WSB2: variants seen among roughly 807,000 people sequenced by gnomAD.
WSB2 encodes the protein WD repeat and SOCS box-containing protein 2.
A neutral mutation model predicts 48.8 loss-of-function variants in WSB2; 12 were observed. The observed-to-expected ratio is 0.25, with a 90% confidence interval of 0.16 to 0.40. The LOEUF (loss-of-function observed/expected upper bound fraction) is 0.40. Ranked by LOEUF, WSB2 falls within the 10% of genes least tolerant of loss-of-function variation. The probability of loss-of-function intolerance (pLI) is 1.00; values close to 1 mark genes in which losing one functional copy is unlikely to be tolerated. For synonymous variants in WSB2, 191 were observed against 203.1 expected (o/e 0.94, Z 0.51); for missense variants, 317 against 506.2 (o/e 0.63, Z 3.59).
chr12:118,043,280 C>T lies in WSB2; in HGVS notation c.280G>A (p.Val94Ile). ...KEKTLDCGQI[V>I]WGLAFSPWPS... Reference sequence around the variant, plus strand: ...CACGGGCTGAAGGCCAGCCCCCAGACAATCTGACCACAGTCCAGCGTCTTC... The same window carrying T: ...CACGGGCTGAAGGCCAGCCCCCAGATAATCTGACCACAGTCCAGCGTCTTC... The change falls in exon 3 of 9, where the codon GTC (valine) becomes ATC (isoleucine). Residue 94 changes from valine to isoleucine, a missense_variant. By Grantham distance (29) the Val-to-Ile change is conservative (BLOSUM62 3). Around this residue, in one of 2 missense-constraint regions of WSB2, gnomAD observed 128 missense variants for 156.7 expected, o/e 0.82. Transcript: ENST00000315436. The T allele has an allele frequency of 3.1e-6, 5 of 1,614,192 alleles. No homozygotes were observed. The highest frequency in any genetic ancestry group is 1.7e-5 in the Admixed American group (1 of 60,022).
At chr12:118,050,689 A>G (rs1228605871) in intron 2 of WSB2, among the ~76,000 whole-genome samples, 1 of 152,112 alleles carries the variant, frequency 6.6e-6, no homozygotes, top group African/African-American at 2.4e-5. Context: ...TAATAAAAAG[A>G]CAAAAACGAG....
chr12:118,054,868 G>T (rs924473569), intron 1 of WSB2, among the ~76,000 whole-genome samples: 1 of 151,206 alleles, frequency 6.6e-6, no homozygotes, highest in African/African-American at 2.4e-5. Flanking sequence ...GGTTCTATGT[G>T]TAAATTTGGG....
chr12:118,039,317 T>TA (rs2031578833), intron 4 of WSB2, among the ~76,000 whole-genome samples: 1 of 152,082 alleles, frequency 6.6e-6, no homozygotes, highest in Admixed American at 6.6e-5. Context: ...CCCGTCCATA[T>TA]AGAGGATGGG....
intron 1 of WSB2, among the ~76,000 whole-genome samples, chr12:118,054,545 C>T (rs903104235): frequency 3.3e-5 from 5 of 152,048 alleles, no homozygotes; most frequent in African/African-American, 1.2e-4. Context: ...TGGCGCATGC[C>T]TGTAATCCCA....
Position 118,035,234 on chromosome 12 carries a change from A to G in WSB2, c.924T>C (p.Leu308=), listed in dbSNP as rs773765973. 13 of 1,614,202 alleles carry G rather than the reference A, an allele frequency of 8.1e-6. No individual in the cohort carries two copies. Among genetic ancestry groups the G allele is most frequent in the Non-Finnish European group, 1.1e-5 (13 of 1,180,038 alleles). The part of the protein sequence containing the change: ...SVCFSPEGLY[L]ATVADDRLLR... ...GTTACCTGTCATCTGCCACCGTGGC[A>G]AGGTACAAGCCTTCTGGAGAGAAGC... The change falls in exon 7 of 9, where the codon CTT becomes CTC. Residue 308 remains leucine, a synonymous_variant. Coordinates refer to ENST00000315436, the MANE Select transcript of WSB2 (RefSeq NM_018639.5).
intron 3 of WSB2, 37 bp from the exon 4 acceptor site, chr12:118,043,009 G>A (rs1272860148): frequency 1.9e-6 from 3 of 1,613,860 alleles, no homozygotes; most frequent in Middle Eastern, 1.7e-4. Flanking sequence ...CAGCCAGAGA[G>A]GGGGCACGAG....
At chr12:118,034,548 A>C in intron 8 of WSB2, 190 bp from the exon 9 acceptor site, 1 of 613,402 alleles carries the variant, frequency 1.6e-6, no homozygotes, top group Non-Finnish European at 2.6e-6. Context: ...GATTAGAAAA[A>C]CTCAAGACAC....
At chr12:118,052,659 A>G (rs968033890) in intron 1 of WSB2, 181 bp from the exon 2 acceptor site, 18 of 864,500 alleles carry the variant, frequency 2.1e-5, no homozygotes, top group Non-Finnish European at 3.1e-5. Flanking sequence ...ACGGTTACTC[A>G]ATCCTGGCAC....
In WSB2 at chr12:118,052,387, G is replaced by A. The variant is rs1357586075; in HGVS notation, c.105C>T (p.Ser35=). Residue 35 remains serine, a synonymous_variant, in exon 2 of 9, where the codon TCC becomes TCT. Coordinates refer to ENST00000315436, the MANE Select transcript of WSB2 (RefSeq NM_018639.5). ...SSCETWSVAF[S]PDGSWFAWSQ... ...ACCAAGCAAACCAGGAGCCATCTGG[G>A]GAGAAGGCGACGCTCCAGGTTTCAC... 9 of 1,614,094 alleles carry A rather than the reference G, an allele frequency of 5.6e-6. No individual in the cohort carries two copies. The highest frequency in any genetic ancestry group is 2.7e-5 in the African/African-American group (2 of 74,918).
chr12:118,056,825 C>T (rs887946390), intron 1 of WSB2, among the ~76,000 whole-genome samples: 3 of 152,026 alleles, frequency 2.0e-5, no homozygotes, highest in Non-Finnish European at 2.9e-5. Context: ...CACTTGAACC[C>T]GGGAGGTGCA....
chr12:118,052,390 GA>G lies in WSB2; in HGVS notation c.101del (p.Phe34SerfsTer19). ...KSSCETWSVA[F>X]SPDGSWFAWS... ...AAGCAAACCAGGAGCCATCTGGGGA[GA>G]AGGCGACGCTCCAGGTTTCACAGCT... On this transcript the variant is annotated frameshift_variant, in exon 2 of 9. Transcript: ENST00000315436. LOFTEE classifies it high-confidence loss of function. 6.2e-7 allele frequency: 1 copy of G among 1,614,218 alleles called. No homozygotes were observed. Among genetic ancestry groups the G allele is most frequent in the Non-Finnish European group, 8.5e-7 (1 of 1,180,038 alleles).
intron 4 of WSB2, among the ~76,000 whole-genome samples, chr12:118,041,777 C>CAA: frequency 8.4e-6 from 1 of 119,294 alleles, no homozygotes; most frequent in Non-Finnish European, 1.6e-5. Context: ...TTTTTTGAGA[C>CAA]AGAGTCTTGC....
chr12:118,042,890 G>A lies in WSB2; in HGVS notation c.510C>T (p.Val170=). The stretch of plus-strand genomic sequence containing the variant: ...GAAGAGTCTTATCCCGTGACGCGGA[G>A]ACCAAAATCAAACTGCCACTGGGTG... ...SFTPSGSLIL[V]SASRDKTLRI... Residue 170 remains valine, a synonymous_variant, in exon 4 of 9, where the codon GTC becomes GTT. Transcript: ENST00000315436. 6 of 1,614,148 alleles carry A rather than the reference G, an allele frequency of 3.7e-6. No homozygotes were observed. Among genetic ancestry groups the A allele is most frequent in the Non-Finnish European group, 4.2e-6 (5 of 1,180,026 alleles).
chr12:118,056,987 C>G (rs759726567), intron 1 of WSB2, among the ~76,000 whole-genome samples: 3 of 152,058 alleles, frequency 2.0e-5, no homozygotes, highest in African/African-American at 7.2e-5. Flanking sequence ...AAACACAAGC[C>G]CTACTCAGAA....
Position 118,043,329 on chromosome 12 carries a change from C to T in WSB2, c.231G>A (p.Thr77=), listed in dbSNP as rs199804263. The T allele has an allele frequency of 5.6e-6, 9 of 1,598,610 alleles. No homozygotes were observed. Among genetic ancestry groups the T allele is most frequent in the African/African-American group, 5.4e-5 (4 of 74,354 alleles). ...TCTCTTTTGGGCTGCCCCGCCCTTT[C>T]GTCTCATTTTTGCTACTTCGGCTTT... ...EAKSRSSKNE[T]KGRGSPKEKT... Residue 77 remains threonine (T), a synonymous_variant, in exon 3 of 9, where the codon ACG becomes ACA. Transcript: ENST00000315436.
intron 5 of WSB2, 121 bp from the exon 6 acceptor site, chr12:118,036,631 C>A: frequency 9.7e-7 from 1 of 1,026,244 alleles, no homozygotes; most frequent in South Asian, 1.7e-5. Flanking sequence ...ATTCTCTATC[C>A]CTTTTCTACA....
At chr12:118,058,845 C>G (rs971783723) in intron 1 of WSB2, among the ~76,000 whole-genome samples, 1 of 151,904 alleles carries the variant, frequency 6.6e-6, no homozygotes, top group Non-Finnish European at 1.5e-5. Context: ...TACAGGTATG[C>G]ACCACCACGC....
chr12:118,049,024 C>G (rs781468523), intron 2 of WSB2, among the ~76,000 whole-genome samples: 1 of 152,142 alleles, frequency 6.6e-6, no homozygotes, highest in African/African-American at 2.4e-5. Context: ...AATTTGAAAA[C>G]AAGAGTGATT....
intron 2 of WSB2, among the ~76,000 whole-genome samples, chr12:118,047,818 A>G (rs1483510166): frequency 6.6e-6 from 1 of 152,238 alleles, no homozygotes; most frequent in Non-Finnish European, 1.5e-5. Flanking sequence ...AATTACCTAT[A>G]ATCCTAACAC....
Sources: allele counts gnomAD v4.1 joint callset (sites outside exome capture counted in the v4.1 genomes callset), GRCh38; gene constraint gnomAD v4.1.1; regional missense constraint gnomAD v4.1.1; transcripts MANE v1.5; gene names NCBI Gene and HGNC (gene_info 2026-07-23, HGNC 2026-07-21).